Variants in FAT3 observed in about 807,000 individuals in gnomAD.
FAT3 encodes protocadherin Fat 3.
Under a neutral mutation model 310.2 loss-of-function variants are expected in FAT3, and 95 were observed. The observed-to-expected ratio is 0.31, with a 90% CI of 0.26 to 0.36. The LOEUF is 0.36. Among genes scored for constraint, FAT3 ranks in the 10% least tolerant of loss-of-function variants. The probability of loss-of-function intolerance (pLI) is 1.00; values close to 1 mark genes in which losing one functional copy is unlikely to be tolerated. For synonymous variants in FAT3, 2,314 were observed against 2,192.9 expected, an observed-to-expected ratio of 1.06 and a Z score of -1.54; for missense variants, 5,408 against 5,715.6, an observed-to-expected ratio of 0.95 and a Z score of 1.74.
chr11:92,541,013 A>G (rs1026297209), intron 3 of FAT3, among the ~76,000 whole-genome samples: 5 of 152,214 alleles, frequency 3.3e-5, no homozygotes, highest in African/African-American at 1.2e-4. Context: ...TCCATAGCAT[A>G]AGAAATATAT....
At position 92,857,217 on chromosome 11, in the gene FAT3, G is replaced by T; in HGVS notation, c.11369G>T (p.Gly3790Val). ...GCATATTCCACCTTTGTCACAGGAG[G>T]ACTGTGTCCGGGGTCCAACGATCCT... ...YRNVRCTCNG[G>V]LCPGSNDPCV... Residue 3790 changes from glycine (G) to valine (V), a missense_variant, in exon 20 of 28, where the codon GGA (glycine) becomes GTA (valine). Coordinates refer to ENST00000525166, the MANE Select transcript of FAT3 (RefSeq NM_001367949.2). The T allele has an allele frequency of 1.2e-6, 2 of 1,613,940 alleles. No individual in the cohort carries two copies. Among genetic ancestry groups the T allele is most frequent in the Non-Finnish European group, 1.7e-6 (2 of 1,179,872 alleles).
At chr11:92,763,241 A>G (rs1380378703) in intron 5 of FAT3, among the ~76,000 whole-genome samples, 1 of 151,696 alleles carries the variant, frequency 6.6e-6, no homozygotes, top group African/African-American at 2.4e-5. Context: ...ATTTTAAACG[A>G]TGGCCTGAGT....
At chr11:92,589,734 G>T (rs1939334767) in intron 3 of FAT3, among the ~76,000 whole-genome samples, 1 of 151,906 alleles carries the variant, frequency 6.6e-6, no homozygotes, top group African/African-American at 2.4e-5. Flanking sequence ...TTTCCCTTCA[G>T]ATCTCAATAA....
At chr11:92,578,633 C>A (rs1441443332) in intron 3 of FAT3, among the ~76,000 whole-genome samples, 1 of 152,126 alleles carries the variant, frequency 6.6e-6, no homozygotes, top group Non-Finnish European at 1.5e-5. Flanking sequence ...TATCTTCCAG[C>A]TGCATTAGGC....
chr11:92,263,955 A>T (rs1282386570), intron 1 of FAT3, among the ~76,000 whole-genome samples: 1 of 152,130 alleles, frequency 6.6e-6, no homozygotes, highest in Non-Finnish European at 1.5e-5. Flanking sequence ...CAGTGCTCTG[A>T]GAAGTGCTAT....
intron 1 of FAT3, among the ~76,000 whole-genome samples, chr11:92,303,088 T>G (rs924091731): frequency 6.6e-6 from 1 of 152,170 alleles, no homozygotes; most frequent in African/African-American, 2.4e-5. Context: ...TAAATAGTGA[T>G]GTATCCATGG....
Position 92,753,798 on chromosome 11 carries a change from G to GTGTATATATATATATATATATATATA in FAT3, c.3670-8057_3670-8056insGTATATATATATATATATATATATAT. Among the ~76,000 whole-genome samples, 205 of 119,070 alleles carry GTGTATATATATATATATATATATATA rather than the reference G, an allele frequency of 1.7e-3. 4 individuals are homozygous for GTGTATATATATATATATATATATATA. The South Asian group carries it at 0.036, about 21-fold the overall frequency. The allele number at this position is 119,070 out of a possible 152,430, so 78.1% of individuals were successfully genotyped here. ...GGTGTGTGTGTGTGTGTGTGTGTGT[G>GTGTATATATATATATATATATATATA]TATATATATATGGTGGAATACTACT... On this transcript the variant is annotated intron_variant, in intron 4 of 27. Transcript: ENST00000525166.
chr11:92,414,833 A>G (rs1307251748), intron 2 of FAT3, among the ~76,000 whole-genome samples: 1 of 151,662 alleles, frequency 6.6e-6, no homozygotes, highest in African/African-American at 2.4e-5. Flanking sequence ...ACACGGTGAA[A>G]CCCTGTCTCT....
At chr11:92,886,964 G>A (rs1718548959) in intron 24 of FAT3, 36 bp from the exon 25 acceptor site, 5 of 1,527,334 alleles carry the variant, frequency 3.3e-6, no homozygotes, top group Non-Finnish European at 4.5e-6. Flanking sequence ...AAGGTAACCA[G>A]TGTAATTTCT....
Position 92,352,936 on chromosome 11 carries a change from C to G in FAT3, c.824C>G (p.Ser275Trp). The change falls in exon 2 of 28, where the codon TCG (serine) becomes TGG (tryptophan). Residue 275 changes from serine to tryptophan, a missense_variant. Physicochemically the swap from Ser to Trp is radical, Grantham distance 177. Around this residue, in one of 5 missense-constraint regions of FAT3, gnomAD observed 4,588 missense variants for 4,809.8 expected, o/e 0.95. Transcript: ENST00000525166. The stretch of plus-strand genomic sequence containing the variant: ...CATGTAGTCACTCATGTTCCTTTCT[C>G]GTTGGAAAAAGAGCCAACATATGCA... ...TIHVVTHVPF[S>W]LEKEPTYAVV... 6.2e-7 allele frequency: 1 copy of G among 1,613,692 alleles called. No homozygotes were observed. The highest frequency in any genetic ancestry group is 8.5e-7 in the Non-Finnish European group (1 of 1,179,840).
At chr11:92,776,010 G>C (rs1430458168) in intron 7 of FAT3, among the ~76,000 whole-genome samples, 2 of 152,170 alleles carry the variant, frequency 1.3e-5, no homozygotes, top group East Asian at 3.8e-4. Flanking sequence ...CTGTATTGCT[G>C]TCTTAAGTGT....
At chr11:92,530,518 A>G (rs1954030391) in intron 3 of FAT3, among the ~76,000 whole-genome samples, 1 of 152,252 alleles carries the variant, frequency 6.6e-6, no homozygotes, top group African/African-American at 2.4e-5. Context: ...TATCAAGTGG[A>G]GAAAAATGAA....
chr11:92,401,327 A>G (rs1416108356), intron 2 of FAT3, among the ~76,000 whole-genome samples: 1 of 152,148 alleles, frequency 6.6e-6, no homozygotes, highest in African/African-American at 2.4e-5. Context: ...GCTCTGGGAT[A>G]GGGGCTTGAA....
chr11:92,883,860 C>T lies in FAT3; in HGVS notation c.12937+467C>T, dbSNP rs1949736588. On this transcript the variant is annotated intron_variant, in intron 24 of 27. Transcript: ENST00000525166. This position sits in a 1 kb window ranked among gnomAD's most constrained non-coding sequence, Gnocchi z 4.2. The stretch of plus-strand genomic sequence containing the variant: ...GGAAGGCTGGAAGAAGAGAGTATTT[C>T]CAGTCTTAGAATGAAGACTTGAGAG... Among the ~76,000 whole-genome samples the T allele has an allele frequency of 6.6e-6, 1 of 152,170 alleles. No homozygotes were observed. Among genetic ancestry groups the T allele is most frequent in the Non-Finnish European group, 1.5e-5 (1 of 68,036 alleles).
rs530324679 is a variant in FAT3, at chr11:92,754,830, C to T, written c.3670-7026C>T. 1.9e-4 allele frequency among the ~76,000 whole-genome samples: 29 copies of T among 151,382 alleles called. No individual in the cohort carries two copies. In the East Asian group the frequency reaches 4.9e-3, roughly 25 times the overall value. On this transcript the variant is annotated intron_variant, in intron 4 of 27. Transcript: ENST00000525166. ...TTGCAGTGAGTGGAGATTGCGCCAC[C>T]GCATTCCAGCCTGGCAACAGAGCGA...
intron 4 of FAT3, among the ~76,000 whole-genome samples, chr11:92,755,526 A>G (rs1313069584): frequency 6.6e-6 from 1 of 152,132 alleles, no homozygotes; most frequent in Non-Finnish European, 1.5e-5. Flanking sequence ...ACCCTGCCAG[A>G]GAGTAGATTT....
chr11:92,617,830 A>G lies in FAT3; in HGVS notation c.3608-79554A>G, dbSNP rs752385146. ...GCAGAAAGGCAAATGTTGCTGCCCAATCCTTCCTCTGGATGCTTCATCTCA... is the reference window on the plus strand; with the variant it reads ...GCAGAAAGGCAAATGTTGCTGCCCAGTCCTTCCTCTGGATGCTTCATCTCA... On this transcript the variant is annotated intron_variant, in intron 3 of 27. Coordinates refer to ENST00000525166, the MANE Select transcript of FAT3 (RefSeq NM_001367949.2). Among the ~76,000 whole-genome samples, 17 of 152,210 alleles carry G rather than the reference A, an allele frequency of 1.1e-4. No homozygotes were observed. The East Asian group carries it at 1.9e-3, about 17-fold the overall frequency.
chr11:92,426,733 A>C (rs186621030), intron 2 of FAT3, among the ~76,000 whole-genome samples: 10 of 152,100 alleles, frequency 6.6e-5, no homozygotes, highest in African/African-American at 2.4e-4. Context: ...CCGTTGGTCT[A>C]TATATCTGTT....
intron 3 of FAT3, among the ~76,000 whole-genome samples, chr11:92,682,186 A>G (rs1057489374): frequency 3.0e-4 from 45 of 152,184 alleles, no homozygotes; most frequent in Non-Finnish European, 5.9e-5. Flanking sequence ...CTCAACTACA[A>G]AATGGGGGTA....
Sources: gnomAD v4.1 joint callset for allele counts (sites outside exome capture counted in the v4.1 genomes callset) on GRCh38, gnomAD v4.1.1 for gene constraint, gnomAD v4.1.1 regional missense constraint, Gnocchi (gnomAD v3.1) non-coding constraint, MANE v1.5 for transcripts, NCBI Gene and HGNC (gene_info 2026-07-23, HGNC 2026-07-21) for gene names.